Variants in GRIP1 observed in about 807,000 individuals in gnomAD.
The protein encoded by GRIP1 is glutamate receptor interacting protein 1.
Under a neutral mutation model 129.9 loss-of-function variants are expected in GRIP1, and 45 were observed. That is an observed-to-expected ratio of 0.35 (90% CI 0.27 to 0.44). GRIP1 has a LOEUF of 0.44. GRIP1 is among the 20% of genes least tolerant of loss of function. GRIP1 has a pLI of 1.00. For synonymous variants in GRIP1, 530 were observed against 520.8 expected (o/e 1.02, Z -0.24); for missense variants, 1,196 against 1,396.8 (o/e 0.86, Z 2.29).
intron 1 of GRIP1, among the ~76,000 whole-genome samples, chr12:66,752,116 C>T (rs1467717630): frequency 1.3e-5 from 2 of 151,942 alleles, no homozygotes; most frequent in East Asian, 1.9e-4. Context: ...AAAGATTTGT[C>T]CATATTATGA....
chr12:66,595,541 T>C (rs548226357), intron 2 of GRIP1, among the ~76,000 whole-genome samples: 1 of 152,336 alleles, frequency 6.6e-6, no homozygotes, highest in African/African-American at 2.4e-5. Flanking sequence ...GTAACTGATA[T>C]TCTTGAACTT....
intron 1 of GRIP1, among the ~76,000 whole-genome samples, chr12:66,970,716 T>C (rs12820651): frequency 6.6e-6 from 1 of 152,250 alleles, no homozygotes; most frequent in Middle Eastern, 3.4e-3. Flanking sequence ...CATTCCATTT[T>C]CTTAGGATTA....
intron 1 of GRIP1, among the ~76,000 whole-genome samples, chr12:66,994,302 G>A (rs1349559095): frequency 2.0e-5 from 3 of 151,618 alleles, no homozygotes; most frequent in African/African-American, 7.3e-5. Context: ...TCATGACCAA[G>A]GGGAATTTAT....
chr12:66,604,821 A>G lies in GRIP1; in HGVS notation c.56-7894T>C, dbSNP rs1309482637. ...TAATGAGTACTGGCTATTTAAAATC[A>G]CATTTTAAATTCTTGTTTAAAAAGC... is the stretch of plus-strand genomic sequence containing the variant. On this transcript the variant is annotated intron_variant, in intron 1 of 24. Coordinates refer to ENST00000359742, the MANE Select transcript of GRIP1 (RefSeq NM_001366722.1). 4.6e-5 allele frequency among the ~76,000 whole-genome samples: 7 copies of G among 152,324 alleles called. No individual in the cohort carries two copies. In the East Asian group the frequency reaches 1.4e-3, roughly 29 times the overall value.
rs76749312 is a variant in GRIP1, at chr12:66,998,584, A to G, written c.58+70466T>C. Among the ~76,000 whole-genome samples, 6 of 152,192 alleles carry G rather than the reference A, an allele frequency of 3.9e-5. No homozygotes were observed. In the East Asian group the frequency reaches 9.7e-4, roughly 25 times the overall value. On this transcript the variant is annotated intron_variant, in intron 1 of 1. Coordinates refer to the GRIP1 transcript ENST00000643019. Reference sequence around the variant, plus strand: ...ATTCTTTTCTCTTGCCAAACTTTCAAACTAGCCTCCCATACACACACTTGC... The same window carrying G: ...ATTCTTTTCTCTTGCCAAACTTTCAGACTAGCCTCCCATACACACACTTGC...
At chr12:66,712,775 T>A (rs1433002689) in intron 1 of GRIP1, among the ~76,000 whole-genome samples, 2 of 152,014 alleles carry the variant, frequency 1.3e-5, no homozygotes, top group African/African-American at 4.8e-5. Context: ...TAGGATTAAA[T>A]GAGACAATAA....
intron 1 of GRIP1, among the ~76,000 whole-genome samples, chr12:66,843,785 CATATATAAAAATTAACTT>C (rs2039764170): frequency 6.9e-6 from 1 of 145,456 alleles, no homozygotes; most frequent in Non-Finnish European, 1.5e-5. Context: ...TACCTTACAC[CATATATAAAAATTAACTT>C]GAAATGGATA....
At chr12:66,681,138 C>T (rs1592737663), upstream of GRIP1, among the ~76,000 whole-genome samples, 1 of 152,080 alleles carries the variant, frequency 6.6e-6, no homozygotes, top group African/African-American at 2.4e-5. Flanking sequence ...ACTGTGGCTG[C>T]CAATCCATAT....
chr12:66,375,741 A>G (rs2055754425), intron 22 of GRIP1, among the ~76,000 whole-genome samples: 1 of 152,252 alleles, frequency 6.6e-6, no homozygotes, highest in African/African-American at 2.4e-5. Context: ...TGTTTTCATC[A>G]GATAACTCAA....
intron 15 of GRIP1, among the ~76,000 whole-genome samples, chr12:66,414,258 A>G (rs1316071156): frequency 6.6e-6 from 1 of 152,194 alleles, no homozygotes; most frequent in African/African-American, 2.4e-5. Context: ...TCCACATACA[A>G]AATCACTGTG....
At chr12:66,475,334 C>A (rs2138470924) in intron 7 of GRIP1, among the ~76,000 whole-genome samples, 1 of 152,240 alleles carries the variant, frequency 6.6e-6, no homozygotes, top group Non-Finnish European at 1.5e-5. Flanking sequence ...TACAGCAAGT[C>A]CTTAGAGACC....
chr12:66,763,748 C>G (rs1341163544), intron 1 of GRIP1, among the ~76,000 whole-genome samples: 1 of 152,126 alleles, frequency 6.6e-6, no homozygotes, highest in East Asian at 1.9e-4. Context: ...TCTTCTCATC[C>G]TGGACAAAGA....
intron 15 of GRIP1, among the ~76,000 whole-genome samples, chr12:66,416,129 G>A (rs570105835): frequency 1.3e-5 from 2 of 151,814 alleles, no homozygotes; most frequent in South Asian, 4.2e-4. Flanking sequence ...GCAGACACAT[G>A]GAAATGAAAC....
chr12:66,395,918 T>TA (rs1281046303), intron 16 of GRIP1, among the ~76,000 whole-genome samples: 1 of 152,152 alleles, frequency 6.6e-6, no homozygotes, highest in African/African-American at 2.4e-5. Context: ...AACATCAAGA[T>TA]AGAGGGTAAC....
intron 23 of GRIP1, among the ~76,000 whole-genome samples, chr12:66,367,583 G>T (rs1459141076): frequency 3.3e-5 from 5 of 152,184 alleles, no homozygotes; most frequent in Non-Finnish European, 7.3e-5. Flanking sequence ...CAGACTATTG[G>T]TTGAGACCTA....
chr12:66,573,122 C>T (rs991413854), intron 2 of GRIP1, among the ~76,000 whole-genome samples: 6 of 150,902 alleles, frequency 4.0e-5, no homozygotes, highest in African/African-American at 1.5e-4. Flanking sequence ...ATATATATGC[C>T]GACTGTAGCA....
intron 1 of GRIP1, among the ~76,000 whole-genome samples, chr12:66,738,217 CTTTTTTTTTTCTTTTTT>C (rs1332626909): frequency 6.7e-6 from 1 of 148,158 alleles, no homozygotes; most frequent in Admixed American, 6.8e-5. Context: ...TTCTCTTTTT[CTTTTTTTTTTCTTTTTT>C]TTTGAGACAG....
At chr12:66,706,733 G>A (rs140369123) in intron 1 of GRIP1, among the ~76,000 whole-genome samples, 19 of 152,150 alleles carry the variant, frequency 1.2e-4, no homozygotes, top group African/African-American at 2.6e-4. Flanking sequence ...GGATGAAGCC[G>A]GAAGCCATCA....
rs1209782109 is a variant in GRIP1, at chr12:66,529,858, C to T, written c.475G>A (p.Gly159Ser). The T allele has an allele frequency of 3.7e-6, 6 of 1,602,642 alleles. No homozygotes were observed. In the South Asian group the frequency reaches 4.4e-5, roughly 12 times the overall value. Residue 159 changes from glycine to serine, a missense_variant, in exon 5 of 25, where the codon GGC becomes AGC. Gly to Ser is a moderately conservative substitution (Grantham distance 56). Around this residue, in one of 5 missense-constraint regions of GRIP1, gnomAD observed 217 missense variants for 224.8 expected, o/e 0.97. Transcript: ENST00000359742. Reference sequence around the variant, plus strand: ...CGAATTACAAAACCAAAGGTATTGCCTTCTTTATGTAATGTGACCTCCACT... The same window carrying T: ...CGAATTACAAAACCAAAGGTATTGCTTTCTTTATGTAATGTGACCTCCACT... ...RTVEVTLHKE[G>S]NTFGFVIRGG...
Sources: allele counts gnomAD v4.1 joint callset (sites outside exome capture counted in the v4.1 genomes callset), GRCh38; gene constraint gnomAD v4.1.1; regional missense constraint gnomAD v4.1.1; transcripts MANE v1.5; gene names NCBI Gene and HGNC (gene_info 2026-07-23, HGNC 2026-07-21).